The following PPIG variants were observed in gnomAD, a reference collection of about 807,000 sequenced individuals.
The protein encoded by PPIG is peptidylprolyl isomerase G.
PPIG carries 26 observed loss-of-function variants against 87.9 expected under a neutral mutation model. The ratio of observed to expected loss-of-function variants is 0.30; its 90% CI spans 0.22 to 0.41. The LOEUF (loss-of-function observed/expected upper bound fraction) is 0.41. Among genes scored for constraint, PPIG ranks in the 10% least tolerant of loss-of-function variants. PPIG has a pLI of 1.00. For missense variants in PPIG, 722 were observed against 879.4 expected, an observed-to-expected ratio of 0.82 and a Z score of 2.26; for synonymous variants, 308 against 276.5, an observed-to-expected ratio of 1.11 and a Z score of -1.13.
intron 9 of PPIG, among the ~76,000 whole-genome samples, chr2:169,624,931 C>T (rs184417353): frequency 5.9e-5 from 9 of 152,142 alleles, no homozygotes; most frequent in African/African-American, 1.9e-4. Flanking sequence ...ACAACTGTTG[C>T]CGTATTCGGA....
intron 9 of PPIG, among the ~76,000 whole-genome samples, chr2:169,620,356 C>A (rs1685712329): frequency 6.6e-6 from 1 of 151,738 alleles, no homozygotes; most frequent in Non-Finnish European, 1.5e-5. Context: ...ATTGTGTGTT[C>A]TTGGCAATTT....
chr2:169,636,610 A>G lies in PPIG; in HGVS notation c.1352A>G (p.Lys451Arg). 1 of 1,594,314 alleles carries G rather than the reference A, an allele frequency of 6.3e-7. No homozygotes were observed. Among genetic ancestry groups the G allele is most frequent in the South Asian group, 1.2e-5 (1 of 85,632 alleles). Residue 451 changes from lysine (K) to arginine (R), a missense_variant, in exon 14 of 14, where the codon AAA becomes AGA. This residue lies in a region of PPIG where 476 missense variants were observed against 483.1 expected (regional missense o/e 0.99). Coordinates refer to ENST00000260970, the MANE Select transcript of PPIG (RefSeq NM_004792.3). ...GAAAAAGATGACAAGTATAAAAACAAAGTGAAGAAAAGGGCCAAATCTAAA... is the reference window on the plus strand; with the variant it reads ...GAAAAAGATGACAAGTATAAAAACAGAGTGAAGAAAAGGGCCAAATCTAAA... ...NSEKDDKYKNKVKKRAKSKSR... is the reference protein window; with the variant it reads ...NSEKDDKYKNRVKKRAKSKSR...
Position 169,631,843 on chromosome 2 carries a change from T to C in PPIG, c.839T>C (p.Ile280Thr). ...STVRPEEIPPIPENRFLMRKS... is the reference protein window; with the variant it reads ...STVRPEEIPPTPENRFLMRKS... ...GTCCGTCCAGAAGAGATCCCTCCTA[T>C]ACCTGAAAATAGATTCCTAATGAGA... Residue 280 changes from isoleucine (I) to threonine (T), a missense_variant, in exon 11 of 14, where the codon ATA becomes ACA. Physicochemically the swap from Ile to Thr is moderately conservative, Grantham distance 89. Around this residue, in one of 4 missense-constraint regions of PPIG, gnomAD observed 142 missense variants for 152.8 expected, o/e 0.93. Coordinates refer to ENST00000260970, the MANE Select transcript of PPIG (RefSeq NM_004792.3). 6.2e-7 allele frequency: 1 copy of C among 1,613,566 alleles called. No homozygotes were observed. Among genetic ancestry groups the C allele is most frequent in the South Asian group, 1.1e-5 (1 of 91,076 alleles).
chr2:169,614,807 T>A, intron 9 of PPIG, 83 bp downstream of exon 9: 2 of 1,392,214 alleles, frequency 1.4e-6, no homozygotes, highest in Non-Finnish European at 1.9e-6. Flanking sequence ...ATGAAATTCA[T>A]ACTCAAGCTG....
intron 1 of PPIG, among the ~76,000 whole-genome samples, chr2:169,595,793 T>TTTTTG (rs1415819402): frequency 6.6e-6 from 1 of 152,170 alleles, no homozygotes; most frequent in African/African-American, 2.4e-5. Flanking sequence ...GTATCACAGT[T>TTTTTG]TTTTGTTTTG....
Position 169,631,854 on chromosome 2 carries a change from A to G in PPIG, c.850A>G (p.Arg284Gly), listed in dbSNP as rs1424300948. The change falls in exon 11 of 14, where the codon AGA becomes GGA. Residue 284 changes from arginine to glycine, a missense_variant. By Grantham distance (125) the Arg-to-Gly change is moderately radical (BLOSUM62 -2). Transcript: ENST00000260970. ...PEEIPPIPEN[R>G]FLMRKSPPKA... Reference sequence around the variant, plus strand: ...AGAGATCCCTCCTATACCTGAAAATAGATTCCTAATGAGAAAAAGTCCTCC... The same window carrying G: ...AGAGATCCCTCCTATACCTGAAAATGGATTCCTAATGAGAAAAAGTCCTCC... 2 of 1,613,500 alleles carry G rather than the reference A, an allele frequency of 1.2e-6. No homozygotes were observed. Among genetic ancestry groups the G allele is most frequent in the Non-Finnish European group, 1.7e-6 (2 of 1,179,620 alleles).
chr2:169,606,454 T>C (rs1046856046), intron 5 of PPIG, among the ~76,000 whole-genome samples: 4 of 151,998 alleles, frequency 2.6e-5, no homozygotes, highest in Admixed American at 2.0e-4. Flanking sequence ...TTGCTGGGCA[T>C]GATGGCACGT....
chr2:169,585,318 G>A (rs920516209), intron 1 of PPIG, among the ~76,000 whole-genome samples: 7 of 144,858 alleles, frequency 4.8e-5, no homozygotes, highest in Admixed American at 4.3e-4. Flanking sequence ...CTGGAATGCA[G>A]TGGCGCGATC....
In PPIG at chr2:169,636,633, A is replaced by G. The variant is rs1686187176; in HGVS notation, c.1375A>G (p.Lys459Glu). ...KNKVKKRAKS[K>E]SRSKSKEKSK... is the part of the protein sequence containing the mutation. ...CAAAGTGAAGAAAAGGGCCAAATCTAAAAGTAGGAGTAAGAGCAAAGAGAA... is the reference window on the plus strand; with the variant it reads ...CAAAGTGAAGAAAAGGGCCAAATCTGAAAGTAGGAGTAAGAGCAAAGAGAA... The change falls in exon 14 of 14, where the codon AAA becomes GAA. Residue 459 changes from lysine (K) to glutamate (E), a missense_variant. Lys to Glu is a moderately conservative substitution (Grantham distance 56, BLOSUM62 1). Around this residue, in one of 4 missense-constraint regions of PPIG, gnomAD observed 476 missense variants for 483.1 expected, o/e 0.99. Transcript: ENST00000260970. 1 of 1,594,588 alleles carries G rather than the reference A, an allele frequency of 6.3e-7. No homozygotes were observed. The highest frequency in any genetic ancestry group is 8.5e-7 in the Non-Finnish European group (1 of 1,175,404).
chr2:169,593,274 A>C (rs1684917961), intron 1 of PPIG, among the ~76,000 whole-genome samples: 1 of 151,978 alleles, frequency 6.6e-6, no homozygotes. Flanking sequence ...AGCTCACTGC[A>C]ACCTCTGCCT....
chr2:169,635,861 T>C (rs1468727089), intron 12 of PPIG, among the ~76,000 whole-genome samples: 1 of 152,240 alleles, frequency 6.6e-6, no homozygotes, highest in Non-Finnish European at 1.5e-5. Flanking sequence ...ATTTCCTATA[T>C]GAAAATTGGG....
chr2:169,628,504 T>G (rs994707240), intron 9 of PPIG, among the ~76,000 whole-genome samples: 1 of 152,090 alleles, frequency 6.6e-6, no homozygotes, highest in South Asian at 2.1e-4. Context: ...CTGTAAATTA[T>G]CAGTTACAAA....
Position 169,638,692 on chromosome 2 carries a change from T to C in PPIG, c.*1169T>C, listed in dbSNP as rs920981596. 6.6e-6 allele frequency: 1 copy of C among 152,000 alleles called. No individual in the cohort carries two copies. The highest frequency in any genetic ancestry group is 2.4e-5 in the African/African-American group (1 of 41,430). The allele number at this position is 152,000 out of a possible 1,614,324, so 9.4% of individuals were successfully genotyped here. On this transcript the variant is annotated 3_prime_UTR_variant, in exon 14 of 14. Transcript: ENST00000260970. ...ACTTGGCATGTATAACATTGCCATA[T>C]AGAGTAGAGTAGAAAGTTGCAAATT...
chr2:169,614,401 G>A, intron 7 of PPIG, 63 bp from the exon 8 acceptor site: 2 of 1,376,226 alleles, frequency 1.5e-6, no homozygotes, highest in Non-Finnish European at 2.0e-6. Flanking sequence ...TTTCTTTTTA[G>A]AGATGCTAAC....
intron 7 of PPIG, among the ~76,000 whole-genome samples, chr2:169,609,931 G>A (rs1396922435): frequency 1.3e-5 from 2 of 152,284 alleles, no homozygotes; most frequent in South Asian, 4.1e-4. Context: ...ACTATTCATA[G>A]ATTCTGTCTT....
At chr2:169,614,788 ATAG>A in intron 9 of PPIG, 64 bp downstream of exon 9, 1 of 1,447,252 alleles carries the variant, frequency 6.9e-7, no homozygotes, top group East Asian at 2.4e-5. Context: ...GATACTCTAA[ATAG>A]TTGACATGAA....
At chr2:169,604,709 A>C (rs1685273815) in intron 4 of PPIG, among the ~76,000 whole-genome samples, 1 of 150,620 alleles carries the variant, frequency 6.6e-6, no homozygotes, top group African/African-American at 2.4e-5. Context: ...CCCCATCTCT[A>C]CTAAAAATAC....
intron 1 of PPIG, among the ~76,000 whole-genome samples, chr2:169,592,296 C>CTTT: frequency 1.1e-5 from 1 of 95,068 alleles, no homozygotes; most frequent in Non-Finnish European, 2.0e-5. Flanking sequence ...TTTCAGATGT[C>CTTT]TTTTTTCTTT....
chr2:169,586,249 T>C (rs77783039), intron 1 of PPIG, among the ~76,000 whole-genome samples: 6,748 of 152,268 alleles, frequency 0.044, 211 homozygotes, highest in East Asian at 0.18. Flanking sequence ...GTTGGTTTCC[T>C]TTTTAAGGCT....
Sources: allele counts gnomAD v4.1 joint callset (sites outside exome capture counted in the v4.1 genomes callset), GRCh38; gene constraint gnomAD v4.1.1; regional missense constraint gnomAD v4.1.1; transcripts MANE v1.5; gene names NCBI Gene and HGNC (gene_info 2026-07-23, HGNC 2026-07-21).